SPRED1: variants seen among roughly 807,000 people sequenced by gnomAD.
SPRED1 encodes sprouty-related, EVH1 domain-containing protein 1.
In SPRED1, 18 loss-of-function variants were observed where a neutral mutation model predicts 52.3. The observed-to-expected ratio is 0.34, with a 90% confidence interval of 0.24 to 0.51. The LOEUF is 0.51. Ranked by LOEUF, SPRED1 falls within the 20% of genes least tolerant of loss-of-function variation. SPRED1 has a pLI of 0.97. For synonymous variants in SPRED1, 155 were observed against 179.7 expected (o/e 0.86, Z 1.10); for missense variants, 485 against 551.0 (o/e 0.88, Z 1.20).
At chr15:38,349,194 A>C (rs1349730888) in intron 5 of SPRED1, among the ~76,000 whole-genome samples, 1 of 152,128 alleles carries the variant, frequency 6.6e-6, no homozygotes. Flanking sequence ...GGTTGTTTGT[A>C]CTTTTTTGAC....
intron 4 of SPRED1, among the ~76,000 whole-genome samples, chr15:38,328,023 G>A (rs532017222): frequency 2.0e-5 from 3 of 152,252 alleles, no homozygotes; most frequent in South Asian, 2.1e-4. Context: ...GGAATGTATG[G>A]GAAGTTGCAG....
At chr15:38,328,473 A>G (rs575946107) in intron 4 of SPRED1, among the ~76,000 whole-genome samples, 12 of 152,268 alleles carry the variant, frequency 7.9e-5, no homozygotes, top group Admixed American at 3.3e-4. Context: ...TTACCTTTCT[A>G]TTTCATATCT....
intron 4 of SPRED1, among the ~76,000 whole-genome samples, chr15:38,332,352 C>G (rs1420323085): frequency 6.6e-6 from 1 of 152,026 alleles, no homozygotes; most frequent in Admixed American, 6.6e-5. Flanking sequence ...GATGGAAAGA[C>G]TGCTTGAGCC....
At chr15:38,324,589 C>G (rs1195084483) in intron 3 of SPRED1, among the ~76,000 whole-genome samples, 174 bp from the exon 4 acceptor site, 1 of 152,104 alleles carries the variant, frequency 6.6e-6, no homozygotes, top group African/African-American at 2.4e-5. Context: ...TTACATTATT[C>G]TCCATTATTC....
At chr15:38,272,865 C>T (rs956026429) in intron 1 of SPRED1, among the ~76,000 whole-genome samples, 1 of 151,940 alleles carries the variant, frequency 6.6e-6, no homozygotes, top group Non-Finnish European at 1.5e-5. Flanking sequence ...TGTCTTTTGC[C>T]CTTTTTAAAA....
intron 5 of SPRED1, among the ~76,000 whole-genome samples, chr15:38,342,630 T>C (rs758781677): frequency 3.9e-5 from 6 of 152,114 alleles, no homozygotes; most frequent in Non-Finnish European, 5.9e-5. Context: ...TTGAATTCTG[T>C]TATAATTTAT....
At chr15:38,336,121 A>G (rs936189663) in intron 4 of SPRED1, among the ~76,000 whole-genome samples, 3 of 151,856 alleles carry the variant, frequency 2.0e-5, no homozygotes, top group African/African-American at 7.2e-5. Flanking sequence ...TACATTGTAT[A>G]TTATATTATT....
intron 1 of SPRED1, among the ~76,000 whole-genome samples, chr15:38,269,318 C>T (rs573507341): frequency 5.9e-5 from 9 of 152,296 alleles, no homozygotes; most frequent in East Asian, 3.9e-4. Context: ...AATCACAGCA[C>T]GCTAACCTCG....
chr15:38,261,262 G>T (rs962547084), intron 1 of SPRED1, among the ~76,000 whole-genome samples: 2 of 152,254 alleles, frequency 1.3e-5, no homozygotes, highest in African/African-American at 4.8e-5. Context: ...TAAAACGAGG[G>T]TGTGGGATTT....
chr15:38,328,905 G>A (rs943382948), intron 4 of SPRED1, among the ~76,000 whole-genome samples: 1 of 151,854 alleles, frequency 6.6e-6, no homozygotes, highest in Admixed American at 6.6e-5. Flanking sequence ...TGGTAGAAAC[G>A]GGGTTTTGCC....
At chr15:38,291,638 A>G (rs911858528) in intron 1 of SPRED1, among the ~76,000 whole-genome samples, 3 of 152,218 alleles carry the variant, frequency 2.0e-5, no homozygotes, top group African/African-American at 7.2e-5. Flanking sequence ...CAGGTTCAAC[A>G]CCATGTAGAA....
intron 2 of SPRED1, among the ~76,000 whole-genome samples, chr15:38,301,365 T>C (rs1366828037): frequency 6.6e-6 from 1 of 151,986 alleles, no homozygotes; most frequent in Non-Finnish European, 1.5e-5. Flanking sequence ...AATAAGAAAA[T>C]AGATTATTTT....
intron 1 of SPRED1, among the ~76,000 whole-genome samples, chr15:38,274,817 T>A (rs1413166180): frequency 6.6e-6 from 1 of 152,208 alleles, no homozygotes; most frequent in Non-Finnish European, 1.5e-5. Context: ...TTGTAGAATG[T>A]TCCTAAATTC....
At chr15:38,313,654 CATATT>C (rs1895413842) in intron 2 of SPRED1, among the ~76,000 whole-genome samples, 1 of 151,014 alleles carries the variant, frequency 6.6e-6, no homozygotes. Context: ...TATATTATAT[CATATT>C]ATATTCTAAA....
At chr15:38,284,671 A>C (rs1374071067) in intron 1 of SPRED1, among the ~76,000 whole-genome samples, 1 of 152,020 alleles carries the variant, frequency 6.6e-6, no homozygotes, top group Non-Finnish European at 1.5e-5. Context: ...TAGAGATTCA[A>C]GTTTTAATTT....
intron 4 of SPRED1, among the ~76,000 whole-genome samples, chr15:38,330,454 A>G (rs903105552): frequency 6.6e-6 from 1 of 152,154 alleles, no homozygotes; most frequent in Admixed American, 6.5e-5. Flanking sequence ...AGAATAGGAG[A>G]CAGTTGTGGC....
intron 1 of SPRED1, among the ~76,000 whole-genome samples, chr15:38,265,520 A>G (rs577861039): frequency 3.9e-4 from 60 of 152,248 alleles, no homozygotes; most frequent in African/African-American, 1.4e-3. Context: ...TTAGAAAAAA[A>G]TTTATATTGT....
At chr15:38,285,986 A>G (rs893328433) in intron 1 of SPRED1, among the ~76,000 whole-genome samples, 52 of 152,112 alleles carry the variant, frequency 3.4e-4, no homozygotes, top group African/African-American at 1.2e-3. Flanking sequence ...GCTCATGCCT[A>G]TAATCCCAGC....
intron 3 of SPRED1, among the ~76,000 whole-genome samples, chr15:38,324,417 A>C (rs1048297267): frequency 1.3e-5 from 2 of 152,184 alleles, no homozygotes; most frequent in Non-Finnish European, 2.9e-5. Context: ...AAATTGAATA[A>C]ATCACATCTT....
Sources: gnomAD v4.1 joint callset for allele counts (sites outside exome capture counted in the v4.1 genomes callset) on GRCh38, gnomAD v4.1.1 for gene constraint, MANE v1.5 for transcripts, NCBI Gene and HGNC (gene_info 2026-07-23, HGNC 2026-07-21) for gene names.